PCDHA8: variants seen among roughly 807,000 people sequenced by gnomAD.
PCDHA8 encodes protocadherin alpha 8.
Under a neutral mutation model 61.8 loss-of-function variants are expected in PCDHA8, and 53 were observed. The observed-to-expected ratio is 0.86, with a 90% CI of 0.69 to 1.08. The LOEUF is 1.08. PCDHA8 is among the 50% of genes least tolerant of loss of function. PCDHA8 has a pLI of 0.00. For missense variants in PCDHA8, 1,293 were observed against 1,245.0 expected, an observed-to-expected ratio of 1.04 and a Z score of -0.58; for synonymous variants, 618 against 556.6, an observed-to-expected ratio of 1.11 and a Z score of -1.55.
chr5:140,887,787 C>T (rs782343895), intron 1 of PCDHA8, among the ~76,000 whole-genome samples: 8 of 152,080 alleles, frequency 5.3e-5, no homozygotes, highest in African/African-American at 9.7e-5. Flanking sequence ...GTCATTGAAG[C>T]GTTCTTTATT....
chr5:140,903,275 T>A (rs1313552617), intron 1 of PCDHA8, among the ~76,000 whole-genome samples: 1 of 152,210 alleles, frequency 6.6e-6, no homozygotes, highest in East Asian at 1.9e-4. Flanking sequence ...TGAGGTAGTG[T>A]CTCATTGTGC....
Position 140,884,686 on chromosome 5 carries a change from G to C in PCDHA8, c.2394+40971G>C, listed in dbSNP as rs376199469. 72 of 1,538,980 alleles carry C rather than the reference G, an allele frequency of 4.7e-5. No homozygotes were observed. The African/African-American group carries it at 8.7e-4, about 19-fold the overall frequency. ...AGGTAAGCTTATATTTTAAAAAATT[G>C]TCTTAGTAAACACTTTAGCCTTCCT... On this transcript the variant is annotated intron_variant, in intron 1 of 3. Transcript: ENST00000531613.
intron 1 of PCDHA8, among the ~76,000 whole-genome samples, chr5:140,952,242 C>A (rs1469286013): frequency 6.6e-6 from 1 of 151,750 alleles, no homozygotes; most frequent in Admixed American, 6.6e-5. Flanking sequence ...CTGCTTAGAA[C>A]TGCTGGTGGA....
chr5:140,845,984 T>C (rs2150383304), intron 1 of PCDHA8, among the ~76,000 whole-genome samples: 2 of 149,806 alleles, frequency 1.3e-5, no homozygotes, highest in African/African-American at 4.9e-5. Flanking sequence ...ATATTTTGAA[T>C]GTTGTGTGGT....
Position 140,919,359 on chromosome 5 carries a change from G to A in PCDHA8, c.2395-59590G>A, listed in dbSNP as rs188480486. Among the ~76,000 whole-genome samples, 421 of 152,262 alleles carry A rather than the reference G, an allele frequency of 2.8e-3. 2 individuals carry two copies. The highest frequency in any genetic ancestry group is 0.014 in the Middle Eastern group (4 of 294). ...TGTTTGTATCTTTGAATCTAAAAGTGTCTCCTGCAGACAACACATAGTTGG... is the reference window on the plus strand; with the variant it reads ...TGTTTGTATCTTTGAATCTAAAAGTATCTCCTGCAGACAACACATAGTTGG... On this transcript the variant is annotated intron_variant, in intron 1 of 3. Coordinates refer to ENST00000531613, the MANE Select transcript of PCDHA8 (RefSeq NM_018911.3).
chr5:140,848,456 A>T (rs2150410759), intron 1 of PCDHA8: 1 of 1,524,638 alleles, frequency 6.6e-7, no homozygotes, highest in South Asian at 1.2e-5. Flanking sequence ...TCTAATTTGG[A>T]GGCAATTTTC....
intron 1 of PCDHA8, among the ~76,000 whole-genome samples, chr5:140,945,046 A>G (rs2093731107): frequency 2.0e-5 from 3 of 152,190 alleles, no homozygotes; most frequent in Non-Finnish European, 2.9e-5. Flanking sequence ...TTGGTCTTAT[A>G]TAAAGAAAAC....
chr5:140,967,415 C>T, intron 1 of PCDHA8: 1 of 1,613,142 alleles, frequency 6.2e-7, no homozygotes, highest in African/African-American at 1.3e-5. Flanking sequence ...GGGCCTAGAC[C>T]GGGAGCAGGC....
intron 1 of PCDHA8, chr5:140,851,015 G>T: frequency 7.0e-7 from 1 of 1,432,294 alleles, no homozygotes. Flanking sequence ...TTTTTTTTCT[G>T]ATAAAGTAAA....
chr5:140,975,139 C>G (rs2096655397), intron 1 of PCDHA8, among the ~76,000 whole-genome samples: 1 of 152,154 alleles, frequency 6.6e-6, no homozygotes, highest in Non-Finnish European at 1.5e-5. Flanking sequence ...GGCCTGGGGT[C>G]ACTCTCAGTT....
At chr5:140,877,391 C>T (rs782042077) in intron 1 of PCDHA8, 21 of 1,613,950 alleles carry the variant, frequency 1.3e-5, no homozygotes, top group Non-Finnish European at 1.8e-5. Flanking sequence ...CTGGATGAGG[C>T]GGACGCTCCG....
intron 1 of PCDHA8, among the ~76,000 whole-genome samples, chr5:140,959,860 A>G (rs1554224378): frequency 6.6e-6 from 1 of 152,230 alleles, no homozygotes; most frequent in East Asian, 1.9e-4. Context: ...GGAATTATGT[A>G]GCAAAATCTG....
chr5:140,906,459 A>G (rs1217443805), intron 1 of PCDHA8, among the ~76,000 whole-genome samples: 1 of 152,236 alleles, frequency 6.6e-6, no homozygotes. Context: ...AAATGAAGAT[A>G]TTTTCTTAGT....
At position 140,893,180 on chromosome 5, in the gene PCDHA8, C is replaced by T. The variant is rs1388898676; in HGVS notation, c.2394+49465C>T. Among the ~76,000 whole-genome samples, 3 of 152,208 alleles carry T rather than the reference C, an allele frequency of 2.0e-5. No individual in the cohort carries two copies. In the South Asian group the frequency reaches 6.2e-4, roughly 31 times the overall value. On this transcript the variant is annotated intron_variant, in intron 1 of 3. Coordinates refer to ENST00000531613, the MANE Select transcript of PCDHA8 (RefSeq NM_018911.3). ...TATTGAGGTTGATTCCACATAGTAGCTATTGTGAATAGTGCTGCAGTAAGT... is the reference window on the plus strand; with the variant it reads ...TATTGAGGTTGATTCCACATAGTAGTTATTGTGAATAGTGCTGCAGTAAGT...
At chr5:140,907,519 C>A (rs1378450434) in intron 1 of PCDHA8, among the ~76,000 whole-genome samples, 3 of 152,184 alleles carry the variant, frequency 2.0e-5, no homozygotes, top group Non-Finnish European at 4.4e-5. Flanking sequence ...CCAGTGAGGA[C>A]AAATCGCTGC....
At chr5:140,869,694 G>T (rs782372405) in intron 1 of PCDHA8, 8 of 1,613,394 alleles carry the variant, frequency 5.0e-6, no homozygotes, top group Non-Finnish European at 6.8e-6. Context: ...TTATTTTAAA[G>T]AAGTCTCTGG....
chr5:140,878,040 C>T, intron 1 of PCDHA8: 1 of 533,272 alleles, frequency 1.9e-6, no homozygotes, highest in Non-Finnish European at 3.0e-6. Flanking sequence ...ACAATGGAGG[C>T]CATGGAGCAC....
chr5:140,878,800 A>T (rs1324441458), intron 1 of PCDHA8, among the ~76,000 whole-genome samples: 1 of 152,182 alleles, frequency 6.6e-6, no homozygotes, highest in Non-Finnish European at 1.5e-5. Context: ...CTTTTTAAAA[A>T]CATATGGGGG....
chr5:140,888,811 T>C (rs187578319), intron 1 of PCDHA8, among the ~76,000 whole-genome samples: 124 of 152,270 alleles, frequency 8.1e-4, no homozygotes, highest in African/African-American at 1.8e-3. Context: ...CAGTGATCTG[T>C]GATCTGTGAT....
Sources: gnomAD v4.1 joint callset for allele counts (sites outside exome capture counted in the v4.1 genomes callset) on GRCh38, gnomAD v4.1.1 for gene constraint, MANE v1.5 for transcripts, NCBI Gene and HGNC (gene_info 2026-07-23, HGNC 2026-07-21) for gene names.